COL11A1: variants seen among roughly 807,000 people sequenced by gnomAD.
COL11A1 encodes the protein collagen type XI alpha 1 chain, also known as collagen alpha-1(XI) chain.
COL11A1 carries 74 observed loss-of-function variants against 265.2 expected under a neutral mutation model. The observed-to-expected ratio is 0.28, with a 90% CI of 0.23 to 0.34. The LOEUF is 0.34. Ranked by LOEUF, COL11A1 falls within the 10% of genes least tolerant of loss-of-function variation. The pLI is 1.00. For synonymous variants in COL11A1, 816 were observed against 727.6 expected, an observed-to-expected ratio of 1.12 and a Z score of -1.96; for missense variants, 2,165 against 2,263.6, an observed-to-expected ratio of 0.96 and a Z score of 0.88.
intron 1 of COL11A1, among the ~76,000 whole-genome samples, chr1:103,097,993 A>T (rs1274010180): frequency 1.3e-5 from 2 of 152,000 alleles, no homozygotes; most frequent in East Asian, 3.8e-4. Context: ...AGTATGGTGA[A>T]GAAAAGAACA....
At chr1:103,083,012 A>G (rs747697776) in intron 1 of COL11A1, 40 bp from the exon 2 acceptor site, 1 of 1,578,630 alleles carries the variant, frequency 6.3e-7, no homozygotes, top group South Asian at 1.1e-5. Context: ...GAATTGAACA[A>G]CGATCTGATA....
chr1:102,947,284 T>C (rs896416938), intron 41 of COL11A1, among the ~76,000 whole-genome samples: 2 of 152,174 alleles, frequency 1.3e-5, no homozygotes, highest in African/African-American at 4.8e-5. Context: ...ATAAAAAATA[T>C]ATCTAATAAC....
chr1:102,877,143 C>T lies in COL11A1; in HGVS notation c.*876G>A, dbSNP rs562885468. 10 of 152,602 alleles carry T rather than the reference C, an allele frequency of 6.6e-5. No individual in the cohort carries two copies. Among genetic ancestry groups the T allele is most frequent in the East Asian group, 1.9e-4 (1 of 5,186 alleles). The allele number at this position is 152,602 out of a possible 1,614,324, so 9.5% of individuals were successfully genotyped here. A position where few individuals can be genotyped will look rare whatever the true frequency, so the allele number is the denominator to read the frequency against. On this transcript the variant is annotated 3_prime_UTR_variant, in exon 67 of 67. Transcript: ENST00000370096. The stretch of plus-strand genomic sequence containing the variant: ...AGTATACATATGATTGTTTGCTTGA[C>T]GGAGGCATTGATTTGTTAATATACT...
rs373264136 is a variant in COL11A1, at chr1:102,881,288, G to A, written c.5040+409C>T. Among the ~76,000 whole-genome samples the A allele has an allele frequency of 6.4e-4, 97 of 152,108 alleles. 2 individuals carry two copies. The highest frequency in any genetic ancestry group is 2.3e-3 in the African/African-American group (94 of 41,544). ...TGTGCCAGAACAATCAGAAAAAGTT[G>A]CACATTCCAACTTATTGATATGAAG... On this transcript the variant is annotated intron_variant, in intron 65 of 66. Transcript: ENST00000370096.
At chr1:103,012,094 A>C (rs1345603333) in intron 14 of COL11A1, among the ~76,000 whole-genome samples, 4 of 152,218 alleles carry the variant, frequency 2.6e-5, no homozygotes, top group Non-Finnish European at 5.9e-5. Flanking sequence ...AGGCTCAAGG[A>C]TTTAATGTAA....
At chr1:102,973,594 T>G (rs1004913263) in intron 36 of COL11A1, among the ~76,000 whole-genome samples, 5 of 152,340 alleles carry the variant, frequency 3.3e-5, no homozygotes, top group Middle Eastern at 3.4e-3. Flanking sequence ...CTTTTGAAAC[T>G]GTTTTCATTT....
chr1:103,105,726 T>C (rs1386686953), intron 1 of COL11A1, among the ~76,000 whole-genome samples: 1 of 152,194 alleles, frequency 6.6e-6, no homozygotes, highest in Non-Finnish European at 1.5e-5. Flanking sequence ...AAGGTTATTA[T>C]CAGAAGTGGA....
In COL11A1 at chr1:102,877,957, A is replaced by G; in HGVS notation, c.*62T>C. ...CTTATTCAAAACTTGCATGTGGCAC[A>G]AAATGGGTTGGTGGCACCAAGGTAT... On this transcript the variant is annotated 3_prime_UTR_variant, in exon 67 of 67. Transcript: ENST00000370096. 6.4e-7 allele frequency: 1 copy of G among 1,574,262 alleles called. No individual in the cohort carries two copies.
intron 1 of COL11A1, among the ~76,000 whole-genome samples, chr1:103,107,710 G>C (rs983764518): frequency 7.2e-5 from 11 of 152,094 alleles, no homozygotes; most frequent in Non-Finnish European, 1.6e-4. Context: ...TGTTCCAAGG[G>C]CAGTCTAAAG....
intron 54 of COL11A1, among the ~76,000 whole-genome samples, chr1:102,907,171 C>G (rs1011044071): frequency 3.9e-5 from 6 of 152,062 alleles, no homozygotes; most frequent in Non-Finnish European, 5.9e-5. Context: ...CACCACCGTT[C>G]TCATGTTATT....
rs1279141807 is a variant in COL11A1 at position 103,004,640 on chromosome 1, G to A, written c.1867C>T (p.Pro623Ser). The change falls in exon 19 of 67, where the codon CCT (proline) becomes TCT (serine). Residue 623 changes from proline to serine, a missense_variant. Pro to Ser is a moderately conservative substitution (Grantham distance 74). Transcript: ENST00000370096. ...CCATCATCACCAGGAGGACCTGGAG[G>A]ACCTTGAGGACCTCGTTCACCCTGT... Reference protein sequence around the residue: ...GHRGERGPQGPPGPPGDDGMR... With the variant: ...GHRGERGPQGSPGPPGDDGMR... 2 of 1,610,808 alleles carry A rather than the reference G, an allele frequency of 1.2e-6. No homozygotes were observed. The highest frequency in any genetic ancestry group is 2.2e-5 in the South Asian group (2 of 90,852).
chr1:103,093,939 G>T (rs544953389), intron 1 of COL11A1, among the ~76,000 whole-genome samples: 1 of 152,214 alleles, frequency 6.6e-6, no homozygotes, highest in South Asian at 2.1e-4. Context: ...CTGATAGAAA[G>T]AACATCATGA....
At chr1:103,070,359 AT>A (rs765633952) in intron 4 of COL11A1, among the ~76,000 whole-genome samples, 5 of 151,640 alleles carry the variant, frequency 3.3e-5, no homozygotes, top group Non-Finnish European at 7.4e-5. Flanking sequence ...ACCTCTAAAG[AT>A]TGAAAAGTTG....
At chr1:103,034,623 CG>C (rs1049056373) in intron 4 of COL11A1, among the ~76,000 whole-genome samples, 4 of 149,780 alleles carry the variant, frequency 2.7e-5, no homozygotes. Context: ...ATGTTTTTTA[CG>C]TTTTTTTTAA....
At position 103,017,902 on chromosome 1, in the gene COL11A1, A is replaced by G. The variant is rs1215891870; in HGVS notation, c.1351-20T>C. On this transcript the variant is annotated intron_variant, in intron 10 of 66. Transcript: ENST00000370096. ...AATACCCTATAGAGAAACACACCAT[A>G]TCTTAATCAGATTCCTAATCTCATT... is the stretch of plus-strand genomic sequence containing the variant. 3 of 1,581,594 alleles carry G rather than the reference A, an allele frequency of 1.9e-6. No individual in the cohort carries two copies. Among genetic ancestry groups the G allele is most frequent in the South Asian group, 2.2e-5 (2 of 90,362 alleles).
intron 26 of COL11A1, 95 bp from the exon 27 acceptor site, chr1:102,996,137 G>GT (rs1664603339): frequency 3.1e-6 from 4 of 1,276,104 alleles, no homozygotes; most frequent in East Asian, 2.3e-5. Flanking sequence ...CAAGGATATG[G>GT]TTTTTTTCTA....
In COL11A1 at chr1:103,022,843, C is replaced by A. The variant is rs1667210381; in HGVS notation, c.1144G>T (p.Asp382Tyr). ...LLVDGDLGEY[D>Y]FYEYKEYEDK... ...TCATATTCTTTATATTCATAAAAAT[C>A]ATATTCGCCTAAATCTCCATCTACC... is the stretch of plus-strand genomic sequence containing the variant. Residue 382 changes from aspartate (D) to tyrosine (Y), a missense_variant, in exon 8 of 67, where the codon GAT (aspartate) becomes TAT (tyrosine). By Grantham distance (160) the Asp-to-Tyr change is radical. Transcript: ENST00000370096. 4 of 1,613,860 alleles carry A rather than the reference C, an allele frequency of 2.5e-6. No homozygotes were observed. In the East Asian group the frequency reaches 6.7e-5, roughly 27 times the overall value.
At chr1:102,913,118 C>T (rs928470600) in intron 53 of COL11A1, among the ~76,000 whole-genome samples, 3 of 152,092 alleles carry the variant, frequency 2.0e-5, no homozygotes, top group African/African-American at 7.2e-5. Context: ...TGTTGAGGGA[C>T]CATTGTCTTT....
chr1:103,066,238 A>G (rs978094431), intron 4 of COL11A1, among the ~76,000 whole-genome samples: 2 of 152,038 alleles, frequency 1.3e-5, no homozygotes, highest in Non-Finnish European at 2.9e-5. Flanking sequence ...TTACTTAGAT[A>G]TAAAATTATA....
Sources: gnomAD v4.1 joint callset for allele counts (sites outside exome capture counted in the v4.1 genomes callset) on GRCh38, gnomAD v4.1.1 for gene constraint, MANE v1.5 for transcripts, NCBI Gene and HGNC (gene_info 2026-07-23, HGNC 2026-07-21) for gene names.